XKR9: variants seen among roughly 807,000 people sequenced by gnomAD.
XKR9 encodes XK-related protein 9.
XKR9 carries 32 observed loss-of-function variants against 32.0 expected under a neutral mutation model. The observed-to-expected ratio is 1.00, with a 90% CI of 0.76 to 1.34. The LOEUF is 1.34. Among genes scored for constraint, XKR9 ranks in the 40% most tolerant of loss-of-function variants. XKR9 has a pLI of 0.00. For synonymous variants in XKR9, 168 were observed against 143.4 expected (o/e 1.17, Z -1.22); for missense variants, 546 against 429.7 (o/e 1.27, Z -2.39).
At chr8:70,993,713 T>C in the XKR9 span, among the ~76,000 whole-genome samples, 3 of 151,182 alleles carry the variant, frequency 2.0e-5, no homozygotes, top group Non-Finnish European at 4.4e-5. Context: ...TCAGAAAGAA[T>C]AGATTGTAGC....
the XKR9 span, among the ~76,000 whole-genome samples, chr8:70,807,692 C>A: frequency 4.6e-5 from 7 of 152,202 alleles, no homozygotes; most frequent in Non-Finnish European, 2.9e-5. Context: ...GTAAAGGGAA[C>A]AATTCAACAA....
chr8:70,744,757 C>CTGTATAGAATGTATAT (rs1554553503), intron 2 of XKR9, among the ~76,000 whole-genome samples: 5 of 150,846 alleles, frequency 3.3e-5, no homozygotes, highest in South Asian at 2.1e-4. Context: ...AGGTGTGCAC[C>CTGTATAGAATGTATAT]ACCACGCCTG....
chr8:70,991,753 C>T, the XKR9 span, among the ~76,000 whole-genome samples: 1 of 152,292 alleles, frequency 6.6e-6, no homozygotes, highest in South Asian at 2.1e-4. Flanking sequence ...CTAGAAGACC[C>T]TGCTATACAG....
chr8:70,816,324 A>G, the XKR9 span, among the ~76,000 whole-genome samples: 1 of 152,210 alleles, frequency 6.6e-6, no homozygotes, highest in African/African-American at 2.4e-5. Context: ...CTTTATGGAA[A>G]ACAGTATGGA....
intron 3 of XKR9, chr8:70,790,057 T>G (rs1156692461): frequency 3.3e-5 from 5 of 151,728 alleles, no homozygotes; most frequent in African/African-American, 1.2e-4. Flanking sequence ...TCTTTTTTTT[T>G]TTTTTTTTGG....
the XKR9 span, among the ~76,000 whole-genome samples, chr8:70,847,152 C>T: frequency 1.3e-5 from 2 of 151,868 alleles, no homozygotes; most frequent in East Asian, 3.9e-4. Flanking sequence ...CTTCTCAGGC[C>T]ACAAAGGAAT....
At chr8:70,754,629 C>G (rs1370302681) in intron 2 of XKR9, among the ~76,000 whole-genome samples, 8 of 151,612 alleles carry the variant, frequency 5.3e-5, no homozygotes, top group African/African-American at 1.9e-4. Context: ...ACTATCTGAT[C>G]TTTGACAAAC....
intron 2 of XKR9, among the ~76,000 whole-genome samples, chr8:70,784,631 T>C (rs1029863904): frequency 7.9e-5 from 12 of 152,064 alleles, no homozygotes; most frequent in Non-Finnish European, 1.8e-4. Flanking sequence ...TATAAGATCA[T>C]GGCATCAACA....
the XKR9 span, among the ~76,000 whole-genome samples, chr8:70,930,577 A>G: frequency 6.6e-6 from 1 of 152,248 alleles, no homozygotes; most frequent in African/African-American, 2.4e-5. Context: ...GTTCTAAACC[A>G]GAAAAAAATT....
chr8:71,053,062 G>A, the XKR9 span, among the ~76,000 whole-genome samples: 1 of 152,236 alleles, frequency 6.6e-6, no homozygotes, highest in Non-Finnish European at 1.5e-5. Context: ...ATAGGTAAGA[G>A]CTAGGAAATT....
chr8:70,935,659 A>G, the XKR9 span, among the ~76,000 whole-genome samples: 1 of 152,024 alleles, frequency 6.6e-6, no homozygotes, highest in Non-Finnish European at 1.5e-5. Flanking sequence ...TGTCTGGTAT[A>G]TTTCTAAAAG....
chr8:70,677,249 G>T lies in XKR9; in HGVS notation c.-279+2350G>T, dbSNP rs117038378. Among the ~76,000 whole-genome samples the T allele has an allele frequency of 1.2e-4, 18 of 147,444 alleles. No homozygotes were observed. In the East Asian group the frequency reaches 3.5e-3, roughly 29 times the overall value. ...CAACCCCCACTTCCTGGGCTTAAAT[G>T]ATCCTCCCACCTCAGCCTCCCAAGT... is the stretch of plus-strand genomic sequence containing the variant. On this transcript the variant is annotated intron_variant, in intron 2 of 4. Transcript: ENST00000408926.
the XKR9 span, among the ~76,000 whole-genome samples, chr8:70,878,834 C>T: frequency 1.3e-5 from 2 of 152,152 alleles, no homozygotes; most frequent in Non-Finnish European, 1.5e-5. Context: ...CTCTCCACCC[C>T]AAATCAACAG....
the XKR9 span, among the ~76,000 whole-genome samples, chr8:70,922,867 C>T: frequency 1.3e-5 from 2 of 152,286 alleles, no homozygotes; most frequent in African/African-American, 4.8e-5. Flanking sequence ...TGGACTCACA[C>T]GGACATCAGA....
At chr8:70,871,725 G>A in the XKR9 span, among the ~76,000 whole-genome samples, 9 of 152,006 alleles carry the variant, frequency 5.9e-5, no homozygotes, top group East Asian at 9.6e-4. Flanking sequence ...CCATACAATG[G>A]CCTATAAGTA....
chr8:70,755,819 G>T (rs535296053), intron 2 of XKR9, among the ~76,000 whole-genome samples: 86 of 151,484 alleles, frequency 5.7e-4, no homozygotes, highest in African/African-American at 2.0e-3. Context: ...TAAATGACGA[G>T]TTAATGGGTG....
At chr8:70,968,641 T>C in the XKR9 span, among the ~76,000 whole-genome samples, 2 of 152,270 alleles carry the variant, frequency 1.3e-5, no homozygotes, top group Admixed American at 6.5e-5. Flanking sequence ...TTTTTGTTGA[T>C]GTTGTTGTTG....
chr8:70,706,738 T>A (rs1563437075), intron 3 of XKR9, among the ~76,000 whole-genome samples, 195 bp from the exon 4 acceptor site: 7 of 152,046 alleles, frequency 4.6e-5, no homozygotes, highest in Admixed American at 3.3e-4. Context: ...ACATCAAACA[T>A]ACAATAAAGG....
At chr8:71,012,127 G>A in the XKR9 span, among the ~76,000 whole-genome samples, 1 of 152,178 alleles carries the variant, frequency 6.6e-6, no homozygotes, top group African/African-American at 2.4e-5. Context: ...GGGACAGCAG[G>A]GGCTTCAGCT....
Sources: allele counts gnomAD v4.1 joint callset (sites outside exome capture counted in the v4.1 genomes callset), GRCh38; gene constraint gnomAD v4.1.1; transcripts MANE v1.5; gene names NCBI Gene and HGNC (gene_info 2026-07-23, HGNC 2026-07-21).